PTPN2: variants seen among roughly 807,000 people sequenced by gnomAD.
The protein encoded by PTPN2 is protein tyrosine phosphatase non-receptor type 2, also known as tyrosine-protein phosphatase non-receptor type 2.
PTPN2 carries 19 observed loss-of-function variants against 57.3 expected under a neutral mutation model. The observed-to-expected ratio is 0.33, with a 90% confidence interval of 0.23 to 0.49. The LOEUF (loss-of-function observed/expected upper bound fraction) is 0.49. Ranked by LOEUF, PTPN2 falls within the 20% of genes least tolerant of loss-of-function variation. The pLI is 0.99. For synonymous variants in PTPN2, 153 were observed against 164.9 expected (o/e 0.93, Z 0.55); for missense variants, 358 against 501.1 (o/e 0.71, Z 2.73).
At chr18:12,789,642 C>G (rs2040929884), downstream of PTPN2, among the ~76,000 whole-genome samples, 1 of 152,150 alleles carries the variant, frequency 6.6e-6, no homozygotes, top group African/African-American at 2.4e-5. Flanking sequence ...GCAATCTATG[C>G]CCCGGCTACA....
At chr18:12,856,764 A>C (rs2043602757) in intron 2 of PTPN2, among the ~76,000 whole-genome samples, 1 of 152,222 alleles carries the variant, frequency 6.6e-6, no homozygotes, top group Non-Finnish European at 1.5e-5. Flanking sequence ...AATTCCAGTT[A>C]AAATAAAATT....
At chr18:12,874,671 CGGGA>C (rs1157169234) in intron 1 of PTPN2, among the ~76,000 whole-genome samples, 1 of 149,202 alleles carries the variant, frequency 6.7e-6, no homozygotes, top group Non-Finnish European at 1.5e-5. Context: ...CCGCCCCGTC[CGGGA>C]GGGAGGTGGG....
At chr18:12,874,056 C>A (rs1362766260) in intron 1 of PTPN2, among the ~76,000 whole-genome samples, 1 of 151,776 alleles carries the variant, frequency 6.6e-6, no homozygotes, top group Admixed American at 6.6e-5. Context: ...GCCCGGCAGC[C>A]GCCCCGTCTG....
intron 1 of PTPN2, among the ~76,000 whole-genome samples, chr18:12,879,709 A>G (rs953810905): frequency 6.6e-6 from 1 of 152,238 alleles, no homozygotes; most frequent in Non-Finnish European, 1.5e-5. Flanking sequence ...AGAGTTCCAG[A>G]CTCAAAATAC....
chr18:12,859,333 T>C (rs1054202210), intron 1 of PTPN2, 79 bp from the exon 2 acceptor site: 74 of 963,014 alleles, frequency 7.7e-5, no homozygotes, highest in Admixed American at 3.9e-4. Flanking sequence ...CAGCGTAAAA[T>C]AACATGAAGC....
intron 1 of PTPN2, among the ~76,000 whole-genome samples, chr18:12,870,269 A>ATG (rs1303533373): frequency 1.1e-5 from 1 of 94,250 alleles, no homozygotes; most frequent in African/African-American, 6.1e-5. Flanking sequence ...ATATATATAT[A>ATG]TATGTATATA....
At chr18:12,874,300 T>G (rs1598895530) in intron 1 of PTPN2, among the ~76,000 whole-genome samples, 1 of 106,888 alleles carries the variant, frequency 9.4e-6, no homozygotes, top group African/African-American at 3.8e-5. Flanking sequence ...GGGAGGGAGG[T>G]GGGGGGGTCA....
intron 5 of PTPN2, among the ~76,000 whole-genome samples, chr18:12,820,732 T>C (rs750775347): frequency 5.3e-5 from 8 of 152,222 alleles, no homozygotes; most frequent in Admixed American, 1.3e-4. Context: ...CCCACAATTA[T>C]AGGCTGTCCC....
chr18:12,836,359 G>A (rs2042866505), intron 3 of PTPN2, among the ~76,000 whole-genome samples: 1 of 152,170 alleles, frequency 6.6e-6, no homozygotes, highest in Non-Finnish European at 1.5e-5. Context: ...CCTTGAAGAC[G>A]ACCAGACACC....
At chr18:12,877,846 C>T (rs1173940739) in intron 1 of PTPN2, among the ~76,000 whole-genome samples, 1 of 151,916 alleles carries the variant, frequency 6.6e-6, no homozygotes, top group African/African-American at 2.4e-5. Flanking sequence ...CCCGTCTCTA[C>T]TAAAAATACA....
chr18:12,870,404 CGT>C lies in PTPN2; in HGVS notation c.70-11152_70-11151del, dbSNP rs1491299552. ...ATATACGTATATATGTATATATACA[CGT>C]ATATATATGTATATATATACGTATA... On this transcript the variant is annotated intron_variant, in intron 1 of 8. Coordinates refer to ENST00000309660, the MANE Select transcript of PTPN2 (RefSeq NM_002828.4). Among the ~76,000 whole-genome samples the C allele has an allele frequency of 1.2e-4, 6 of 51,188 alleles. 1 individual carries two copies. Among genetic ancestry groups the C allele is most frequent in the East Asian group, 1.0e-3 (2 of 1,916 alleles). 33.6% of individuals were successfully genotyped at this position (51,188 alleles called of 152,430 possible).
At chr18:12,806,010 A>G (rs1355152333) in intron 7 of PTPN2, among the ~76,000 whole-genome samples, 1 of 152,144 alleles carries the variant, frequency 6.6e-6, no homozygotes, top group Non-Finnish European at 1.5e-5. Flanking sequence ...AGGGTATTCA[A>G]ATTGGAAAGG....
At chr18:12,840,385 A>G (rs549012744) in intron 2 of PTPN2, among the ~76,000 whole-genome samples, 21 of 152,372 alleles carry the variant, frequency 1.4e-4, no homozygotes, top group African/African-American at 4.8e-4. Flanking sequence ...ATACTCCCCC[A>G]TATTAATGGA....
Position 12,794,434 on chromosome 18 carries a change from C to G in PTPN2, c.1092G>C (p.Lys364Asn), listed in dbSNP as rs761682597. 1.1e-5 allele frequency: 18 copies of G among 1,614,080 alleles called. No individual in the cohort carries two copies. The Admixed American group carries it at 3.0e-4, about 27-fold the overall frequency. Reference sequence around the variant, plus strand: ...TTAGCCTCTGTTTCATCTGCTGCACCTTCTGAGCTGTGGTGGCCTTTCTGT... The same window carrying G: ...TTAGCCTCTGTTTCATCTGCTGCACGTTCTGAGCTGTGGTGGCCTTTCTGT... ...REDRKATTAQKVQQMKQRLNE... is the reference protein window; with the variant it reads ...REDRKATTAQNVQQMKQRLNE... Residue 364 changes from lysine (K) to asparagine (N), a missense_variant, in exon 9 of 9, where the codon AAG (lysine) becomes AAC (asparagine). Transcript: ENST00000309660.
intron 6 of PTPN2, 48 bp downstream of exon 6, chr18:12,817,107 TA>T (rs375471609): frequency 0.011 from 13,909 of 1,218,894 alleles, 6 homozygotes; most frequent in African/African-American, 0.021. Flanking sequence ...GGAAGCAATT[TA>T]AAAAAAAAAA....
At chr18:12,880,390 T>G (rs942122851) in intron 1 of PTPN2, 1 of 152,242 alleles carries the variant, frequency 6.6e-6, no homozygotes, top group Non-Finnish European at 1.5e-5. Context: ...AGGGTTTAAG[T>G]GAGAAGTCAC....
intron 5 of PTPN2, among the ~76,000 whole-genome samples, chr18:12,822,967 G>A (rs546673927): frequency 6.6e-6 from 1 of 152,240 alleles, no homozygotes; most frequent in South Asian, 2.1e-4. Context: ...AACAGGTACT[G>A]TTTATCATCT....
rs558079898 is a variant in PTPN2 at position 12,831,165 on chromosome 18, G to A, written c.262-124C>T. ...CAGACAGCGGACGGGCTTATAAGAA[G>A]TAAACCAAGACTTCCAATCTACCTG... On this transcript the variant is annotated intron_variant, in intron 3 of 8. Transcript: ENST00000309660. 8.8e-6 allele frequency: 5 copies of A among 565,192 alleles called. No homozygotes were observed. The South Asian group carries it at 1.3e-4, about 15-fold the overall frequency. 35.0% of individuals were successfully genotyped at this position (565,192 alleles called of 1,614,324 possible). A position where few individuals can be genotyped will look rare whatever the true frequency, so the allele number is the denominator to read the frequency against.
At chr18:12,789,878 GTA>G (rs1002659485), downstream of PTPN2, among the ~76,000 whole-genome samples, 21,263 of 151,116 alleles carry the variant, frequency 0.14, 1,590 homozygotes, top group Non-Finnish European at 0.16. Flanking sequence ...GTGTGTGTGT[GTA>G]TATATATATG....
Sources: gnomAD v4.1 joint callset for allele counts (sites outside exome capture counted in the v4.1 genomes callset) on GRCh38, gnomAD v4.1.1 for gene constraint, MANE v1.5 for transcripts, NCBI Gene and HGNC (gene_info 2026-07-23, HGNC 2026-07-21) for gene names.